ZNF333: variants seen among roughly 807,000 people sequenced by gnomAD.
ZNF333 encodes the protein zinc finger protein 333.
ZNF333 carries 61 observed loss-of-function variants against 76.1 expected under a neutral mutation model. The observed-to-expected ratio is 0.80, with a 90% CI of 0.65 to 0.99. The LOEUF (loss-of-function observed/expected upper bound fraction) is 0.99, where lower values mean the gene tolerates loss of function less well. Among genes scored for constraint, ZNF333 ranks in the 50% least tolerant of loss-of-function variants. The pLI is 0.00. For missense variants in ZNF333, 717 were observed against 822.4 expected (o/e 0.87, Z 1.57); for synonymous variants, 284 against 305.0 (o/e 0.93, Z 0.72).
In ZNF333 at chr19:14,701,723, C is replaced by A. The variant is rs2041963446; in HGVS notation, c.306+2442C>A. On this transcript the variant is annotated intron_variant, in intron 5 of 11. Transcript: ENST00000292530. Reference sequence around the variant, plus strand: ...AGAACTCCACACCCAGCCCAGCAAGCCCCTCCATAATGGGTGCTGAGAGTG... The same window carrying A: ...AGAACTCCACACCCAGCCCAGCAAGACCCTCCATAATGGGTGCTGAGAGTG... 7.1e-6 allele frequency: 7 copies of A among 985,418 alleles called. No individual in the cohort carries two copies. The South Asian group carries it at 2.8e-4, about 40-fold the overall frequency. The allele number at this position is 985,418 out of a possible 1,614,324, so 61.0% of individuals were successfully genotyped here.
At chr19:14,728,834 C>T (rs1293948908) in intron 11 of ZNF333, among the ~76,000 whole-genome samples, 1 of 152,192 alleles carries the variant, frequency 6.6e-6, no homozygotes, top group African/African-American at 2.4e-5. Context: ...AATCAAGATC[C>T]AAGAGCACAG....
chr19:14,710,945 T>C (rs2042256173), intron 7 of ZNF333, among the ~76,000 whole-genome samples: 1 of 141,774 alleles, frequency 7.1e-6, no homozygotes, highest in South Asian at 2.3e-4. Context: ...GATCACATGG[T>C]GAGGGAGGAA....
At chr19:14,700,788 C>T (rs778443170) in intron 5 of ZNF333, among the ~76,000 whole-genome samples, 3 of 152,304 alleles carry the variant, frequency 2.0e-5, no homozygotes, top group East Asian at 1.9e-4. Flanking sequence ...GTGAGAACCC[C>T]GGGATCCCTC....
At chr19:14,696,611 C>T (rs930615316) in intron 4 of ZNF333, among the ~76,000 whole-genome samples, 9 of 151,688 alleles carry the variant, frequency 5.9e-5, no homozygotes, top group South Asian at 4.2e-4. Context: ...ACATGGTGGA[C>T]GAGATCATGT....
At chr19:14,689,987 C>T (rs866795611), upstream of ZNF333, 2 of 152,332 alleles carry the variant, frequency 1.3e-5, no homozygotes, top group African/African-American at 2.4e-5. Context: ...CCGCCTAAGG[C>T]TACCCTGGCC....
At chr19:14,690,727 A>G (rs188297119) in intron 1 of ZNF333, among the ~76,000 whole-genome samples, 11 of 152,308 alleles carry the variant, frequency 7.2e-5, no homozygotes, top group Non-Finnish European at 1.2e-4. Context: ...TTTTAGCTTA[A>G]TATCTGTTAG....
intron 2 of ZNF333, among the ~76,000 whole-genome samples, chr19:14,694,380 G>C (rs1450027546): frequency 6.6e-6 from 1 of 152,034 alleles, no homozygotes; most frequent in African/African-American, 2.4e-5. Flanking sequence ...GGCTGAGGTA[G>C]GAAAATCGCT....
chr19:14,727,485 C>T (rs2042641291), intron 11 of ZNF333, among the ~76,000 whole-genome samples: 1 of 152,128 alleles, frequency 6.6e-6, no homozygotes, highest in South Asian at 2.1e-4. Context: ...GAGCAAGAGA[C>T]AGAGTAGAGA....
chr19:14,719,504 A>G lies in ZNF333; in HGVS notation c.*179A>G. The G allele has an allele frequency of 9.1e-7, 1 of 1,098,152 alleles. No homozygotes were observed. The highest frequency in any genetic ancestry group is 1.6e-5 in the African/African-American group (1 of 63,028). The allele number at this position is 1,098,152 out of a possible 1,614,324, so 68.0% of individuals were successfully genotyped here. On this transcript the variant is annotated 3_prime_UTR_variant, in exon 12 of 12. Transcript: ENST00000292530. ...CTATTATTTGGAATTAGATTTTTCA[A>G]AACTAATATGTGGATATATTTTCAT...
chr19:14,728,411 T>C (rs751236200), intron 11 of ZNF333, among the ~76,000 whole-genome samples: 15 of 152,184 alleles, frequency 9.9e-5, no homozygotes, highest in East Asian at 1.9e-4. Context: ...GGGGTGGTCT[T>C]CTCCTCTCAT....
chr19:14,703,216 A>AC (rs2042012102), intron 5 of ZNF333, among the ~76,000 whole-genome samples: 1 of 151,802 alleles, frequency 6.6e-6, no homozygotes, highest in Non-Finnish European at 1.5e-5. Flanking sequence ...AAAAAAAAAA[A>AC]AAAAAACCAT....
At chr19:14,726,139 C>T (rs1300910268), downstream of ZNF333, among the ~76,000 whole-genome samples, 27 of 152,216 alleles carry the variant, frequency 1.8e-4, no homozygotes, top group Admixed American at 1.8e-3. Context: ...AAGCTTACAG[C>T]TTGCAACCTG....
chr19:14,713,748 A>AG (rs2042343581), intron 7 of ZNF333, among the ~76,000 whole-genome samples: 1 of 152,062 alleles, frequency 6.6e-6, no homozygotes, highest in Non-Finnish European at 1.5e-5. Flanking sequence ...GCTTGAGGCT[A>AG]GGAATTCAAG....
Position 14,720,723 on chromosome 19 carries a change from T to G in ZNF333, c.*1398T>G, listed in dbSNP as rs2042567938. 1 of 985,336 alleles carries G rather than the reference T, an allele frequency of 1.0e-6. No individual in the cohort carries two copies. The highest frequency in any genetic ancestry group is 1.2e-6 in the Non-Finnish European group (1 of 829,940). The allele number at this position is 985,336 out of a possible 1,614,324, so 61.0% of individuals were successfully genotyped here. On this transcript the variant is annotated 3_prime_UTR_variant, in exon 12 of 12. Coordinates refer to ENST00000292530, the MANE Select transcript of ZNF333 (RefSeq NM_032433.4). Reference sequence around the variant, plus strand: ...GGATGGTTGAAATCAATGTATTGTATTCTACAAATGTCTGCTAGATCAAGC... The same window carrying G: ...GGATGGTTGAAATCAATGTATTGTAGTCTACAAATGTCTGCTAGATCAAGC...
chr19:14,715,615 G>T, intron 8 of ZNF333, 145 bp downstream of exon 8: 1 of 722,584 alleles, frequency 1.4e-6, no homozygotes, highest in South Asian at 1.7e-5. Flanking sequence ...TGTCAGCAAG[G>T]GAGCATGGGC....
intron 5 of ZNF333, among the ~76,000 whole-genome samples, chr19:14,702,977 G>T (rs1490521131): frequency 6.6e-6 from 1 of 152,006 alleles, no homozygotes; most frequent in Non-Finnish European, 1.5e-5. Context: ...GGCCGAGGCG[G>T]GCGGATCATG....
chr19:14,710,150 G>T (rs1265673134), intron 7 of ZNF333, among the ~76,000 whole-genome samples: 3 of 152,210 alleles, frequency 2.0e-5, no homozygotes, highest in African/African-American at 7.2e-5. Context: ...ATTGTTCAGG[G>T]CTTGGAAGTG....
rs28506157 is a variant in ZNF333, at chr19:14,698,907, T to G, written c.224-292T>G. 1.3e-3 allele frequency among the ~76,000 whole-genome samples: 20 copies of G among 15,808 alleles called. 1 individual carries two copies. Among genetic ancestry groups the G allele is most frequent in the Non-Finnish European group, 1.7e-3 (15 of 8,812 alleles). 10.4% of individuals were successfully genotyped at this position (15,808 alleles called of 152,430 possible). ...ACACACACACAAATATAGATATATATATATATATATATATATATATATATA... is the reference window on the plus strand; with the variant it reads ...ACACACACACAAATATAGATATATAGATATATATATATATATATATATATA... On this transcript the variant is annotated intron_variant, in intron 4 of 11. Transcript: ENST00000292530.
Position 14,720,402 on chromosome 19 carries a change from C to G in ZNF333, c.*1077C>G. On this transcript the variant is annotated 3_prime_UTR_variant, in exon 12 of 12. Transcript: ENST00000292530. ...TGATTTCTAGACCTAGAGGAGCCCT[C>G]CTGTGACCATAAGGGTAAAAGCCGC... 3.0e-6 allele frequency: 3 copies of G among 985,406 alleles called. No homozygotes were observed. The highest frequency in any genetic ancestry group is 3.6e-6 in the Non-Finnish European group (3 of 829,936). 61.0% of individuals were successfully genotyped at this position (985,406 alleles called of 1,614,324 possible).
Sources: allele counts gnomAD v4.1 joint callset (sites outside exome capture counted in the v4.1 genomes callset), GRCh38; gene constraint gnomAD v4.1.1; transcripts MANE v1.5; gene names NCBI Gene and HGNC (gene_info 2026-07-23, HGNC 2026-07-21).